GOLIM4: variants seen among roughly 807,000 people sequenced by gnomAD.
GOLIM4 encodes the protein golgi integral membrane protein 4, also known as 130 kDa golgi-localized phosphoprotein.
GOLIM4 carries 71 observed loss-of-function variants against 107.4 expected under a neutral mutation model. The observed-to-expected ratio is 0.66, with a 90% CI of 0.55 to 0.81. GOLIM4 has a LOEUF of 0.81. GOLIM4 is among the 30% of genes least tolerant of loss of function. The pLI is 0.00. For synonymous variants in GOLIM4, 327 were observed against 294.8 expected (o/e 1.11, Z -1.12); for missense variants, 830 against 826.1 (o/e 1.00, Z -0.06).
At chr3:168,079,280 C>T (rs1454301079) in intron 1 of GOLIM4, among the ~76,000 whole-genome samples, 2 of 152,128 alleles carry the variant, frequency 1.3e-5, no homozygotes, top group African/African-American at 4.8e-5. Context: ...ATGTAACAGT[C>T]TGGATGGATC....
chr3:168,059,024 T>G (rs571808882), intron 1 of GOLIM4, among the ~76,000 whole-genome samples: 46 of 152,150 alleles, frequency 3.0e-4, no homozygotes, highest in African/African-American at 1.0e-3. Context: ...CTCCCAAAAT[T>G]GATGCAAACA....
At chr3:168,041,141 AT>A (rs1176154974) in intron 6 of GOLIM4, 1 of 515,980 alleles carries the variant, frequency 1.9e-6, no homozygotes, top group African/African-American at 1.9e-5. Context: ...ACTTTTATAA[AT>A]AAAAAGCTTA....
intron 12 of GOLIM4, among the ~76,000 whole-genome samples, chr3:168,026,696 A>G (rs1306505045): frequency 6.6e-6 from 1 of 152,112 alleles, no homozygotes; most frequent in East Asian, 1.9e-4. Context: ...TTGCTCTCTC[A>G]TATGTTTCTG....
intron 1 of GOLIM4, among the ~76,000 whole-genome samples, chr3:168,080,272 T>A (rs1560108093): frequency 6.6e-6 from 1 of 152,200 alleles, no homozygotes; most frequent in Non-Finnish European, 1.5e-5. Context: ...CTGTAACTCT[T>A]AAATATCTGG....
intron 1 of GOLIM4, among the ~76,000 whole-genome samples, chr3:168,052,467 C>T (rs1177017494): frequency 1.3e-5 from 2 of 152,002 alleles, no homozygotes; most frequent in Non-Finnish European, 2.9e-5. Flanking sequence ...ACATTGGTCT[C>T]AGTTTTCTTT....
At position 168,012,062 on chromosome 3, in the gene GOLIM4, G is replaced by GA. The variant is rs1553792689; in HGVS notation, c.1861-1240dup. Among the ~76,000 whole-genome samples the GA allele has an allele frequency of 2.3e-3, 287 of 122,768 alleles. 1 individual carries two copies. Among genetic ancestry groups the GA allele is most frequent in the Non-Finnish European group, 3.5e-3 (226 of 64,346 alleles). The allele number at this position is 122,768 out of a possible 152,430, so 80.5% of individuals were successfully genotyped here. A position where few individuals can be genotyped will look rare whatever the true frequency, so the allele number is the denominator to read the frequency against. Reference sequence around the variant, plus strand: ...ATGGAGAATGACATTGACGAGCTGAGAGAAGGCTTCAGACGATCAAATTAC... The same window carrying GA: ...ATGGAGAATGACATTGACGAGCTGAGAAGAAGGCTTCAGACGATCAAATTAC... On this transcript the variant is annotated intron_variant, in intron 14 of 15. Transcript: ENST00000470487.
intron 1 of GOLIM4, among the ~76,000 whole-genome samples, chr3:168,084,903 C>T (rs567573486): frequency 3.3e-5 from 5 of 151,862 alleles, no homozygotes; most frequent in Non-Finnish European, 7.4e-5. Context: ...TTAGCAATAA[C>T]CACACTTAGG....
chr3:168,087,096 G>C (rs996611015), intron 1 of GOLIM4, among the ~76,000 whole-genome samples: 1 of 152,072 alleles, frequency 6.6e-6, no homozygotes, highest in African/African-American at 2.4e-5. Flanking sequence ...CCTCAGGCGA[G>C]TTCTTACTAC....
chr3:168,023,739 A>C (rs1325161777), intron 14 of GOLIM4, among the ~76,000 whole-genome samples: 1 of 152,212 alleles, frequency 6.6e-6, no homozygotes, highest in Non-Finnish European at 1.5e-5. Context: ...GTCTTGGCCT[A>C]ATTTGTATCA....
At chr3:168,088,645 G>A (rs968871166) in intron 1 of GOLIM4, among the ~76,000 whole-genome samples, 4 of 152,146 alleles carry the variant, frequency 2.6e-5, no homozygotes, top group Non-Finnish European at 5.9e-5. Flanking sequence ...ATAAAGATGT[G>A]AACAAAACTC....
chr3:168,064,957 A>AG (rs143767505), intron 1 of GOLIM4, among the ~76,000 whole-genome samples: 2,168 of 151,856 alleles, frequency 0.014, 55 homozygotes, highest in African/African-American at 0.05. Context: ...TTATCCCAGA[A>AG]GGGAAAAAAA....
intron 1 of GOLIM4, among the ~76,000 whole-genome samples, chr3:168,073,766 T>C (rs773098379): frequency 1.8e-4 from 28 of 152,198 alleles, no homozygotes; most frequent in Non-Finnish European, 3.2e-4. Flanking sequence ...ATAACTTCTA[T>C]AGATTGTTCA....
intron 1 of GOLIM4, among the ~76,000 whole-genome samples, chr3:168,076,390 A>G (rs1267396498): frequency 1.3e-5 from 2 of 152,160 alleles, no homozygotes; most frequent in East Asian, 3.8e-4. Flanking sequence ...CACATAAATT[A>G]GTACCTAAAA....
intron 1 of GOLIM4, among the ~76,000 whole-genome samples, chr3:168,090,055 A>T (rs1279740005): frequency 6.6e-6 from 1 of 152,350 alleles, no homozygotes; most frequent in South Asian, 2.1e-4. Flanking sequence ...GGCGAGAGAC[A>T]GGGTGCCTGG....
chr3:168,046,910 A>C, intron 3 of GOLIM4, 40 bp downstream of exon 3: 1 of 1,076,526 alleles, frequency 9.3e-7, no homozygotes, highest in Non-Finnish European at 1.3e-6. Context: ...AAAACAAATT[A>C]AGGAAAACAA....
At chr3:168,074,606 T>G (rs1720980504) in intron 1 of GOLIM4, among the ~76,000 whole-genome samples, 2 of 152,140 alleles carry the variant, frequency 1.3e-5, no homozygotes, top group South Asian at 2.1e-4. Flanking sequence ...GAAGTAACAT[T>G]ACTTAATTTA....
intron 14 of GOLIM4, among the ~76,000 whole-genome samples, chr3:168,024,182 TCCAG>T (rs1717866289): frequency 6.6e-6 from 1 of 152,132 alleles, no homozygotes; most frequent in Non-Finnish European, 1.5e-5. Context: ...ACAGGGGCAG[TCCAG>T]ATTCCCTCAA....
intron 1 of GOLIM4, among the ~76,000 whole-genome samples, chr3:168,073,839 G>A (rs1415377205): frequency 2.6e-5 from 4 of 152,194 alleles, no homozygotes; most frequent in African/African-American, 9.7e-5. Context: ...AGGGATGGCA[G>A]GGCTACTGTA....
At chr3:168,065,164 GAGTTA>G (rs1720486969) in intron 1 of GOLIM4, among the ~76,000 whole-genome samples, 2 of 152,142 alleles carry the variant, frequency 1.3e-5, no homozygotes, top group Admixed American at 1.3e-4. Flanking sequence ...AGCTGTTGTA[GAGTTA>G]AGTCACCAAT....
Sources: gnomAD v4.1 joint callset for allele counts (sites outside exome capture counted in the v4.1 genomes callset) on GRCh38, gnomAD v4.1.1 for gene constraint, MANE v1.5 for transcripts, NCBI Gene and HGNC (gene_info 2026-07-23, HGNC 2026-07-21) for gene names.